The following OTUD7A variants were observed in gnomAD, a reference collection of about 807,000 sequenced individuals.
OTUD7A encodes the protein OTU deubiquitinase 7A.
In OTUD7A, 12 loss-of-function variants were observed where a neutral mutation model predicts 65.7. That is an observed-to-expected ratio of 0.18 (90% CI 0.12 to 0.30). OTUD7A has a LOEUF of 0.30. Ranked by LOEUF, OTUD7A falls within the 10% of genes least tolerant of loss-of-function variation. OTUD7A has a pLI of 1.00. For synonymous variants in OTUD7A, 641 were observed against 586.3 expected (o/e 1.09, Z -1.35); for missense variants, 1,148 against 1,304.8 (o/e 0.88, Z 1.85).
chr15:31,483,358 T>C lies in OTUD7A; in HGVS notation c.2738A>G (p.Tyr913Cys), dbSNP rs1344590142. The C allele has an allele frequency of 1.6e-6, 2 of 1,288,858 alleles. No individual in the cohort carries two copies. The highest frequency in any genetic ancestry group is 9.9e-7 in the Non-Finnish European group (1 of 1,014,474). 79.8% of individuals were successfully genotyped at this position (1,288,858 alleles called of 1,614,324 possible). A position where few individuals can be genotyped will look rare whatever the true frequency, so the allele number is the denominator to read the frequency against. The change falls in exon 13 of 13, where the codon TAC becomes TGC. Residue 913 changes from tyrosine (Y) to cysteine (C), a missense_variant. By Grantham distance (194) the Tyr-to-Cys change is radical (BLOSUM62 -2). This residue lies in a region of OTUD7A where 842 missense variants were observed against 769.5 expected (regional missense o/e 1.09). Transcript: ENST00000307050. ...CTCCTCGCGGTAGCAGTAGGAGCAG[T>C]AGTGCTCGGTCTCGGCGCGCCCGTA... is the stretch of plus-strand genomic sequence containing the variant. ...AFYGRAETEH[Y>C]CSYCYREELR...
At chr15:31,533,434 A>G (rs1318660289) in intron 5 of OTUD7A, among the ~76,000 whole-genome samples, 1 of 152,150 alleles carries the variant, frequency 6.6e-6, no homozygotes, top group South Asian at 2.1e-4. Context: ...ATAGAGTTTT[A>G]CCATGTTGGC....
intron 4 of OTUD7A, among the ~76,000 whole-genome samples, chr15:31,560,397 G>A (rs767297900): frequency 1.6e-4 from 24 of 152,246 alleles, no homozygotes; most frequent in Admixed American, 2.6e-4. Context: ...GAAACGCAGT[G>A]TAGGATTTCT....
chr15:31,826,754 G>C (rs1896807553), intron 1 of OTUD7A, among the ~76,000 whole-genome samples: 1 of 152,194 alleles, frequency 6.6e-6, no homozygotes, highest in South Asian at 2.1e-4. Flanking sequence ...TTCACCGCTT[G>C]AATGCTTTGC....
chr15:31,698,974 G>A (rs1159985278), intron 1 of OTUD7A, among the ~76,000 whole-genome samples: 1 of 152,086 alleles, frequency 6.6e-6, no homozygotes, highest in South Asian at 2.1e-4. Context: ...AACATTCGTA[G>A]AGGGATGTGC....
Position 31,478,833 on chromosome 15 carries a change from G to A in OTUD7A, c.*4461C>T, listed in dbSNP as rs1412698233. ...GATGTGCCGCAGGGCCTCCTGGGGT[G>A]AGCGTGGGGGGCTCTCCCCATGGCG... is the stretch of plus-strand genomic sequence containing the variant. On this transcript the variant is annotated 3_prime_UTR_variant, in exon 13 of 13. Transcript: ENST00000307050. The A allele has an allele frequency of 6.6e-6, 1 of 152,430 alleles. No homozygotes were observed. The highest frequency in any genetic ancestry group is 1.5e-5 in the Non-Finnish European group (1 of 68,232). The allele number at this position is 152,430 out of a possible 1,614,324, so 9.4% of individuals were successfully genotyped here. A position where few individuals can be genotyped will look rare whatever the true frequency, so the allele number is the denominator to read the frequency against.
At chr15:31,665,596 A>G (rs1053012617) in intron 1 of OTUD7A, among the ~76,000 whole-genome samples, 2 of 152,172 alleles carry the variant, frequency 1.3e-5, no homozygotes, top group African/African-American at 4.8e-5. Context: ...AAACAATCAT[A>G]TTATCAGCAA....
chr15:31,563,151 G>C (rs1411070206), intron 4 of OTUD7A, among the ~76,000 whole-genome samples: 1 of 152,088 alleles, frequency 6.6e-6, no homozygotes, highest in Non-Finnish European at 1.5e-5. Context: ...AATCTCTCTG[G>C]TAGCAGAGAG....
At chr15:31,780,986 T>C (rs1895523521) in intron 1 of OTUD7A, among the ~76,000 whole-genome samples, 1 of 152,250 alleles carries the variant, frequency 6.6e-6, no homozygotes, top group Non-Finnish European at 1.5e-5. Flanking sequence ...AGTGGGTTTA[T>C]ACATCGGCCT....
chr15:31,801,419 T>G (rs115944719), intron 1 of OTUD7A, among the ~76,000 whole-genome samples: 7 of 152,224 alleles, frequency 4.6e-5, no homozygotes, highest in Non-Finnish European at 1.0e-4. Flanking sequence ...CCAGCCCTTC[T>G]GGTTTGCAGA....
intron 1 of OTUD7A, among the ~76,000 whole-genome samples, chr15:31,822,225 A>G (rs58990441): frequency 0.036 from 5,481 of 152,234 alleles, 356 homozygotes; most frequent in African/African-American, 0.12. Context: ...TGTATGAGGA[A>G]CTCAGTAGGG....
Position 31,483,706 on chromosome 15 carries a change from G to GC in OTUD7A, c.2389dup (p.Ala797GlyfsTer88). On this transcript the variant is annotated frameshift_variant, in exon 13 of 13. Coordinates refer to ENST00000307050, the MANE Select transcript of OTUD7A (RefSeq NM_001382637.1). LOFTEE classifies it high-confidence loss of function. ...CGGGTACGTGGCGCACGGCCGCAGCGCCCCCACGGCCGGCGCGCACGCCTC... is the reference window on the plus strand; with the variant it reads ...CGGGTACGTGGCGCACGGCCGCAGCGCCCCCCACGGCCGGCGCGCACGCCTC... 1 of 1,146,814 alleles carries GC rather than the reference G, an allele frequency of 8.7e-7. No homozygotes were observed. Among genetic ancestry groups the GC allele is most frequent in the Non-Finnish European group, 1.1e-6 (1 of 935,034 alleles). The allele number at this position is 1,146,814 out of a possible 1,614,324, so 71.0% of individuals were successfully genotyped here.
At chr15:31,675,149 CTTAAAA>C (rs10569445) in intron 1 of OTUD7A, among the ~76,000 whole-genome samples, 8,598 of 151,574 alleles carry the variant, frequency 0.057, 822 homozygotes, top group African/African-American at 0.2. Flanking sequence ...AGATGTACAA[CTTAAAA>C]TTAAAGATTA....
intron 5 of OTUD7A, among the ~76,000 whole-genome samples, chr15:31,533,298 G>A (rs1887695197): frequency 6.7e-6 from 1 of 148,848 alleles, no homozygotes; most frequent in South Asian, 2.1e-4. Context: ...GTGCAGTGGT[G>A]CAATTTCAGC....
intron 1 of OTUD7A, among the ~76,000 whole-genome samples, chr15:31,666,773 T>C (rs1385667837): frequency 6.6e-6 from 1 of 152,166 alleles, no homozygotes; most frequent in Non-Finnish European, 1.5e-5. Context: ...TTTAGGGCTA[T>C]GAACTTTCCT....
At chr15:31,822,751 C>A (rs1273666435) in intron 1 of OTUD7A, among the ~76,000 whole-genome samples, 7 of 152,188 alleles carry the variant, frequency 4.6e-5, no homozygotes, top group Non-Finnish European at 1.0e-4. Flanking sequence ...CAGGCAGACC[C>A]CTCAGGACCA....
rs1360739813 is a variant in OTUD7A, at chr15:31,487,036, G to C, written c.1371+158C>G. 1.3e-5 allele frequency among the ~76,000 whole-genome samples: 2 copies of C among 152,076 alleles called. No individual in the cohort carries two copies. Among genetic ancestry groups the C allele is most frequent in the East Asian group, 3.9e-4 (2 of 5,146 alleles). ...CAGCTGGGATGGCTAGGTCAAAGGAGGTGGAGGAGCTACTGGGCTGTGGGT... is the reference window on the plus strand; with the variant it reads ...CAGCTGGGATGGCTAGGTCAAAGGACGTGGAGGAGCTACTGGGCTGTGGGT... On this transcript the variant is annotated intron_variant, in intron 12 of 12. Coordinates refer to ENST00000307050, the MANE Select transcript of OTUD7A (RefSeq NM_001382637.1). This position sits in a 1 kb window ranked among gnomAD's most constrained non-coding sequence, Gnocchi z 6.0.
At chr15:31,587,639 CAAAA>C (rs11445101) in intron 3 of OTUD7A, among the ~76,000 whole-genome samples, 1 of 129,846 alleles carries the variant, frequency 7.7e-6, no homozygotes. Flanking sequence ...GACTCCATTT[CAAAA>C]AAAAAAAAAA....
At chr15:31,654,967 G>C in intron 3 of OTUD7A, 129 bp downstream of exon 3, 18 of 1,102,722 alleles carry the variant, frequency 1.6e-5, no homozygotes, top group Non-Finnish European at 2.2e-5. Context: ...CTTAATATCG[G>C]TAAGATGTAA....
At chr15:31,547,603 G>A (rs544401314) in intron 5 of OTUD7A, among the ~76,000 whole-genome samples, 25 of 152,098 alleles carry the variant, frequency 1.6e-4, no homozygotes, top group Non-Finnish European at 3.7e-4. Context: ...AATATTTTTT[G>A]ATCTTACGAG....
Sources: allele counts gnomAD v4.1 joint callset (sites outside exome capture counted in the v4.1 genomes callset), GRCh38; gene constraint gnomAD v4.1.1; regional missense constraint gnomAD v4.1.1; non-coding constraint Gnocchi (gnomAD v3.1); transcripts MANE v1.5; gene names NCBI Gene and HGNC (gene_info 2026-07-23, HGNC 2026-07-21).